The following ABHD8 variants were observed in gnomAD, a reference collection of about 807,000 sequenced individuals.
The protein encoded by ABHD8 is abhydrolase domain containing 8.
A neutral mutation model predicts 29.3 loss-of-function variants in ABHD8; 10 were observed. The ratio of observed to expected loss-of-function variants is 0.34; its 90% CI spans 0.21 to 0.58. ABHD8 has a LOEUF of 0.58. Among genes scored for constraint, ABHD8 ranks in the 20% least tolerant of loss-of-function variants. ABHD8 has a pLI of 0.85. For missense variants in ABHD8, 556 were observed against 615.3 expected (o/e 0.90, Z 1.02); for synonymous variants, 282 against 274.6 (o/e 1.03, Z -0.27).
Position 17,292,382 on chromosome 19 carries a change from G to A in ABHD8, c.*279C>T. 1 of 450,438 alleles carries A rather than the reference G, an allele frequency of 2.2e-6. No homozygotes were observed. The highest frequency in any genetic ancestry group is 5.0e-5 in the South Asian group (1 of 19,944). The allele number at this position is 450,438 out of a possible 1,614,324, so 27.9% of individuals were successfully genotyped here. ...TTGGCCGTGGCGTTGGGGGGAAGGTGAGGGAGAGCTTCTGTACAAGGTCAT... is the reference window on the plus strand; with the variant it reads ...TTGGCCGTGGCGTTGGGGGGAAGGTAAGGGAGAGCTTCTGTACAAGGTCAT... On this transcript the variant is annotated 3_prime_UTR_variant, in exon 5 of 5. Transcript: ENST00000247706.
chr19:17,298,520 T>G (rs1193183711), intron 2 of ABHD8: 4 of 152,112 alleles, frequency 2.6e-5, no homozygotes, highest in Admixed American at 6.6e-5. Context: ...ATTTTTTAAC[T>G]TAGTCTAAGG....
intron 2 of ABHD8, among the ~76,000 whole-genome samples, chr19:17,296,955 A>C (rs1294754357): frequency 6.6e-6 from 1 of 152,192 alleles, no homozygotes; most frequent in Admixed American, 6.6e-5. Context: ...TTGGCCTCCC[A>C]AAGTGCTGGG....
chr19:17,294,560 G>A (rs562055541), intron 3 of ABHD8, 56 bp from the exon 4 acceptor site: 3 of 1,610,958 alleles, frequency 1.9e-6, no homozygotes, highest in East Asian at 2.2e-5. Context: ...CTGCCGTGGG[G>A]TGCCCCCGAT....
chr19:17,301,650 C>A, intron 1 of ABHD8, 26 bp from the exon 2 acceptor site: 1 of 1,511,918 alleles, frequency 6.6e-7, no homozygotes, highest in South Asian at 1.3e-5. Flanking sequence ...GCAGCCAGTT[C>A]AGGTGCTGTC....
chr19:17,297,079 C>T (rs2074097023), intron 2 of ABHD8, among the ~76,000 whole-genome samples: 1 of 152,180 alleles, frequency 6.6e-6, no homozygotes. Flanking sequence ...GCTATCCGAT[C>T]CTTTAAGGAA....
chr19:17,295,120 A>C (rs1319226173), intron 2 of ABHD8, among the ~76,000 whole-genome samples: 1 of 51,038 alleles, frequency 2.0e-5, no homozygotes, highest in Admixed American at 2.3e-4. Flanking sequence ...TTTTTTTGAG[A>C]CGGAGTCTCG....
chr19:17,294,824 C>T lies in ABHD8; in HGVS notation c.783G>A (p.Leu261=), dbSNP rs750832474. 3 of 1,613,936 alleles carry T rather than the reference C, an allele frequency of 1.9e-6. No individual in the cohort carries two copies. The highest frequency in any genetic ancestry group is 2.5e-6 in the Non-Finnish European group (3 of 1,179,950). ...HSYGVSFCTF[L]AHEYPDLVHK... is the part of the protein sequence containing the mutation. Reference sequence around the variant, plus strand: ...GCACTAGGTCTGGGTACTCATGTGCCAGGAATGTGCAGAAAGAGACACTGC... The same window carrying T: ...GCACTAGGTCTGGGTACTCATGTGCTAGGAATGTGCAGAAAGAGACACTGC... The change falls in exon 3 of 5, where the codon CTG becomes CTA. Residue 261 remains leucine (L), a synonymous_variant. Coordinates refer to ENST00000247706, the MANE Select transcript of ABHD8 (RefSeq NM_024527.5).
chr19:17,301,741 A>T, intron 1 of ABHD8, 117 bp from the exon 2 acceptor site: 1 of 1,214,084 alleles, frequency 8.2e-7, no homozygotes, highest in Non-Finnish European at 1.1e-6. Flanking sequence ...GGGGAGCGCC[A>T]GATCAAGTGA....
At chr19:17,301,824 C>T (rs2074121442) in intron 1 of ABHD8, among the ~76,000 whole-genome samples, 200 bp from the exon 2 acceptor site, 1 of 150,750 alleles carries the variant, frequency 6.6e-6, no homozygotes, top group Non-Finnish European at 1.5e-5. Flanking sequence ...GAGACAGTCT[C>T]GCTTTGTCAT....
At chr19:17,295,900 A>G (rs1187610384) in intron 2 of ABHD8, among the ~76,000 whole-genome samples, 1 of 152,120 alleles carries the variant, frequency 6.6e-6, no homozygotes, top group Non-Finnish European at 1.5e-5. Context: ...TTATAAAGAC[A>G]GGGTCTCCTT....
chr19:17,301,292 C>A lies in ABHD8; in HGVS notation c.325G>T (p.Gly109Cys), dbSNP rs772333400. 1.2e-5 allele frequency: 20 copies of A among 1,607,040 alleles called. No homozygotes were observed. Among genetic ancestry groups the A allele is most frequent in the Non-Finnish European group, 1.6e-5 (19 of 1,179,686 alleles). The change falls in exon 2 of 5, where the codon GGC (glycine) becomes TGC (cysteine). Residue 109 changes from glycine (G) to cysteine (C), a missense_variant. Coordinates refer to ENST00000247706, the MANE Select transcript of ABHD8 (RefSeq NM_024527.5). Reference protein sequence around the residue: ...PRADLLHGQNGSGEPPAALEV... With the variant: ...PRADLLHGQNCSGEPPAALEV... ...AGGGCGGCCGGCGGCTCCCCAGAGC[C>A]ATTCTGCCCGTGTAGGAGGTCGGCT... is the stretch of plus-strand genomic sequence containing the variant.
chr19:17,292,263 A>C lies in ABHD8; in HGVS notation c.*398T>G. 2.3e-5 allele frequency: 6 copies of C among 260,412 alleles called. No individual in the cohort carries two copies. The highest frequency in any genetic ancestry group is 6.9e-5 in the East Asian group (1 of 14,526). The allele number at this position is 260,412 out of a possible 1,614,324, so 16.1% of individuals were successfully genotyped here. A position where few individuals can be genotyped will look rare whatever the true frequency, so the allele number is the denominator to read the frequency against. On this transcript the variant is annotated 3_prime_UTR_variant, in exon 5 of 5. Coordinates refer to ENST00000247706, the MANE Select transcript of ABHD8 (RefSeq NM_024527.5). The stretch of plus-strand genomic sequence containing the variant: ...GAATGGGGGGTAGGAAGGGTCTCGG[A>C]TAACGGGATGGGGCCTCGAGGGTCC...
intron 1 of ABHD8, among the ~76,000 whole-genome samples, chr19:17,302,442 G>A (rs1036940605): frequency 2.0e-5 from 3 of 152,126 alleles, no homozygotes; most frequent in Admixed American, 6.5e-5. Flanking sequence ...TATCCCCAGG[G>A]CCTCCTAAGG....
intron 3 of ABHD8, 57 bp downstream of exon 3, chr19:17,294,618 G>A (rs1187874612): frequency 1.2e-6 from 2 of 1,607,770 alleles, no homozygotes; most frequent in Non-Finnish European, 1.7e-6. Context: ...TCCAACTCGA[G>A]CAGATGCCTG....
In ABHD8 at chr19:17,303,309, G is replaced by C. The variant is rs917020400; in HGVS notation, c.-76C>G. The stretch of plus-strand genomic sequence containing the variant: ...CAGGCGGAGAAGCCAGCGTCCGCCT[G>C]CTGGCGCCGTTTACATGGTGGCGCG... On this transcript the variant is annotated 5_prime_UTR_variant, in exon 1 of 5. Coordinates refer to ENST00000247706, the MANE Select transcript of ABHD8 (RefSeq NM_024527.5). 3 of 152,330 alleles carry C rather than the reference G, an allele frequency of 2.0e-5. No homozygotes were observed. The highest frequency in any genetic ancestry group is 4.4e-5 in the Non-Finnish European group (3 of 68,104). 9.4% of individuals were successfully genotyped at this position (152,330 alleles called of 1,614,324 possible). A position where few individuals can be genotyped will look rare whatever the true frequency, so the allele number is the denominator to read the frequency against.
At chr19:17,298,544 C>T (rs1195294147) in intron 2 of ABHD8, 1 of 152,038 alleles carries the variant, frequency 6.6e-6, no homozygotes, top group Non-Finnish European at 1.5e-5. Flanking sequence ...TGGTTCTCAG[C>T]TGGGGGTAAT....
chr19:17,299,002 A>G (rs1035948168), intron 2 of ABHD8, among the ~76,000 whole-genome samples: 12 of 152,148 alleles, frequency 7.9e-5, no homozygotes, highest in African/African-American at 2.9e-4. Context: ...TTGGCTTCCT[A>G]AAGTGCTAGG....
At chr19:17,300,763 CCA>C in intron 2 of ABHD8, 91 bp downstream of exon 2, 1 of 1,457,430 alleles carries the variant, frequency 6.9e-7, no homozygotes, top group Non-Finnish European at 9.2e-7. Flanking sequence ...CAGGCGTGAG[CCA>C]CGGGGCTCAG....
At chr19:17,293,399 G>C (rs562268915) in intron 4 of ABHD8, among the ~76,000 whole-genome samples, 1 of 147,510 alleles carries the variant, frequency 6.8e-6, no homozygotes, top group Non-Finnish European at 1.5e-5. Context: ...GCCCGGCCTG[G>C]AGGAGGATTT....
Sources: gnomAD v4.1 joint callset for allele counts (sites outside exome capture counted in the v4.1 genomes callset) on GRCh38, gnomAD v4.1.1 for gene constraint, MANE v1.5 for transcripts, NCBI Gene and HGNC (gene_info 2026-07-23, HGNC 2026-07-21) for gene names.